The following RACK1 variants were observed in gnomAD, a reference collection of about 807,000 sequenced individuals.
RACK1 encodes the protein receptor for activated C kinase 1.
A neutral mutation model predicts 42.2 loss-of-function variants in RACK1; 3 were observed. That is an observed-to-expected ratio of 0.07 (90% CI 0.03 to 0.18). The LOEUF (loss-of-function observed/expected upper bound fraction) is 0.18. Among genes scored for constraint, RACK1 ranks in the 10% least tolerant of loss-of-function variants. The pLI is 1.00. For missense variants in RACK1, 146 were observed against 403.2 expected, an observed-to-expected ratio of 0.36 and a Z score of 5.46; for synonymous variants, 181 against 154.8, an observed-to-expected ratio of 1.17 and a Z score of -1.25.
chr5:181,243,551 C>A, intron 1 of RACK1, 141 bp downstream of exon 1: 2 of 1,386,702 alleles, frequency 1.4e-6, no homozygotes, highest in East Asian at 2.5e-5. Context: ...CGCCCCAATT[C>A]ACAATGGGGC....
chr5:181,241,843 C>CA, intron 2 of RACK1: 3 of 779,548 alleles, frequency 3.8e-6, no homozygotes, highest in Non-Finnish European at 6.9e-6. Context: ...GACATGTCCT[C>CA]ACTCCCACTT....
intron 3 of RACK1, 30 bp downstream of exon 3, chr5:181,241,462 G>A (rs1235385442): frequency 6.4e-7 from 1 of 1,551,216 alleles, no homozygotes; most frequent in South Asian, 1.1e-5. Flanking sequence ...TAAGAGGGTG[G>A]AAGAGATCCT....
At chr5:181,240,232 G>C in intron 3 of RACK1, 1 of 167,280 alleles carries the variant, frequency 6.0e-6, no homozygotes. Flanking sequence ...GCAGGCGCCT[G>C]TAGTCCCAGC....
Position 181,243,744 on chromosome 5 carries a change from G to T in RACK1, c.57C>A (p.Thr19=). 6.2e-7 allele frequency: 1 copy of T among 1,610,188 alleles called. No individual in the cohort carries two copies. The highest frequency in any genetic ancestry group is 1.3e-5 in the African/African-American group (1 of 75,020). ...GTLKGHNGWV[T]QIATTPQFPD... is the part of the protein sequence containing the mutation. ...GGAACTGCGGGGTAGTAGCGATCTG[G>T]GTTACCCAGCCGTTGTGGCCCTTGA... is the stretch of plus-strand genomic sequence containing the variant. The change falls in exon 1 of 8, where the codon ACC becomes ACA. Residue 19 remains threonine (T), a synonymous_variant. Coordinates refer to ENST00000512805, the MANE Select transcript of RACK1 (RefSeq NM_006098.5).
At chr5:181,243,210 G>A (rs956289179) in intron 1 of RACK1, 19 of 1,213,074 alleles carry the variant, frequency 1.6e-5, no homozygotes, top group Admixed American at 6.6e-5. Context: ...GGAACACAGG[G>A]ATAGGGACGG....
chr5:181,243,695 G>T lies in RACK1; in HGVS notation c.106C>A (p.Arg36=), dbSNP rs759976987. 1.9e-6 allele frequency: 3 copies of T among 1,601,272 alleles called. No homozygotes were observed. The highest frequency in any genetic ancestry group is 2.6e-6 in the Non-Finnish European group (3 of 1,174,126). ...QFPDMILSAS[R]DKTIIMWKLT... ...TGAAATCTACCTTAGTCCGTACCTC[G>T]AGAGGCGGAGAGGATCATGTCCGGG... Residue 36 remains arginine (R), a synonymous_variant, in exon 1 of 8, where the codon CGA becomes AGA. Coordinates refer to ENST00000512805, the MANE Select transcript of RACK1 (RefSeq NM_006098.5).
chr5:181,243,893 G>A lies in RACK1; in HGVS notation c.-93C>T. 1 of 1,474,486 alleles carries A rather than the reference G, an allele frequency of 6.8e-7. No individual in the cohort carries two copies. The highest frequency in any genetic ancestry group is 9.0e-7 in the Non-Finnish European group (1 of 1,110,740). 91.3% of individuals were successfully genotyped at this position (1,474,486 alleles called of 1,614,324 possible). On this transcript the variant is annotated 5_prime_UTR_variant, in exon 1 of 8. Transcript: ENST00000512805. Reference sequence around the variant, plus strand: ...CCACAACCTCTCCTGCCGCCGCCTTGCAGTGAAAGAGAGAGAGAAAAGCCC... The same window carrying A: ...CCACAACCTCTCCTGCCGCCGCCTTACAGTGAAAGAGAGAGAGAAAAGCCC...
At chr5:181,237,326 G>A (rs1561678652) in intron 7 of RACK1, 1 of 714,638 alleles carries the variant, frequency 1.4e-6, no homozygotes, top group South Asian at 1.5e-5. Context: ...ATTCCTTGAG[G>A]AAGAAACAGC....
rs574132667 is a variant in RACK1, at chr5:181,243,849, T to A, written c.-49A>T. The A allele has an allele frequency of 3.4e-5, 53 of 1,552,116 alleles. 1 individual carries two copies. The Admixed American group carries it at 8.5e-4, about 25-fold the overall frequency. ...CTGCAGCGACGAGGATGGCACTGGATGGCTTAGAGAAACTAGCACCACAAC... is the reference window on the plus strand; with the variant it reads ...CTGCAGCGACGAGGATGGCACTGGAAGGCTTAGAGAAACTAGCACCACAAC... On this transcript the variant is annotated 5_prime_UTR_variant, in exon 1 of 8. Transcript: ENST00000512805.
chr5:181,242,723 C>T (rs1026519246), intron 1 of RACK1: 2 of 353,524 alleles, frequency 5.7e-6, no homozygotes, highest in Non-Finnish European at 1.1e-5. Context: ...CCTGCCAGCA[C>T]GTCTGGCTAA....
chr5:181,238,473 C>G, intron 5 of RACK1: 1 of 486,668 alleles, frequency 2.1e-6, no homozygotes, highest in Non-Finnish European at 3.7e-6. Flanking sequence ...CCAATCATTT[C>G]TGAAAACCAG....
At chr5:181,243,432 TTA>T in intron 1 of RACK1, 1 of 1,508,034 alleles carries the variant, frequency 6.6e-7, no homozygotes, top group Non-Finnish European at 8.9e-7. Context: ...AAAAGATATT[TTA>T]AAAGTTTCCA....
In RACK1 at chr5:181,243,906, G is replaced by C. The variant is rs536177657; in HGVS notation, c.-106C>G. ...TGCCGCCGCCTTGCAGTGAAAGAGA[G>C]AGAGAAAAGCCCCCCGCCGGAACCG... On this transcript the variant is annotated 5_prime_UTR_variant, in exon 1 of 8. Coordinates refer to ENST00000512805, the MANE Select transcript of RACK1 (RefSeq NM_006098.5). The C allele has an allele frequency of 2.1e-6, 3 of 1,447,008 alleles. No homozygotes were observed. Among genetic ancestry groups the C allele is most frequent in the Non-Finnish European group, 2.7e-6 (3 of 1,099,846 alleles). The allele number at this position is 1,447,008 out of a possible 1,614,324, so 89.6% of individuals were successfully genotyped here.
chr5:181,242,166 C>T lies in RACK1; in HGVS notation c.281+8G>A. The T allele has an allele frequency of 1.2e-6, 2 of 1,608,798 alleles. No individual in the cohort carries two copies. Among genetic ancestry groups the T allele is most frequent in the Non-Finnish European group, 1.7e-6 (2 of 1,177,506 alleles). Reference sequence around the variant, plus strand: ...CAAGGCCCCAGAGCTAAGTGAGCAGCTACTTGCGTTGTGAGATCCCAGAGG... The same window carrying T: ...CAAGGCCCCAGAGCTAAGTGAGCAGTTACTTGCGTTGTGAGATCCCAGAGG... On this transcript the variant is annotated splice_region_variant and intron_variant, in intron 2 of 7. Transcript: ENST00000512805.
At chr5:181,243,462 G>C (rs1202470851) in intron 1 of RACK1, 3 of 1,484,234 alleles carry the variant, frequency 2.0e-6, no homozygotes, top group Admixed American at 4.4e-5. Flanking sequence ...AACCCTCCTA[G>C]CAGCTGCGAG....
intron 5 of RACK1, 163 bp from the exon 6 acceptor site, chr5:181,238,402 C>T: frequency 1.5e-6 from 1 of 669,112 alleles, no homozygotes; most frequent in Non-Finnish European, 2.5e-6. Context: ...GTATACCTTT[C>T]CTTTAACGTA....
intron 2 of RACK1, 153 bp from the exon 3 acceptor site, chr5:181,241,792 AGAG>A: frequency 2.3e-6 from 2 of 857,972 alleles, no homozygotes; most frequent in Non-Finnish European, 4.0e-6. Flanking sequence ...AGTATATGAA[AGAG>A]AAGAGCCAAG....
At chr5:181,237,833 G>GT (rs1759197443) in intron 6 of RACK1, 114 bp from the exon 7 acceptor site, 5 of 708,688 alleles carry the variant, frequency 7.1e-6, no homozygotes, top group Non-Finnish European at 1.3e-5. Flanking sequence ...TGGGGTCCAT[G>GT]TATCAATGCC....
At chr5:181,243,485 T>A in intron 1 of RACK1, 1 of 1,455,114 alleles carries the variant, frequency 6.9e-7, no homozygotes, top group Non-Finnish European at 9.1e-7. Context: ...GATGTACACG[T>A]AGGTTCTCAT....
Sources: allele counts gnomAD v4.1 joint callset, GRCh38; gene constraint gnomAD v4.1.1; transcripts MANE v1.5; gene names NCBI Gene and HGNC (gene_info 2026-07-23, HGNC 2026-07-21).